The following CNTNAP2 variants were observed in gnomAD, a reference collection of about 807,000 sequenced individuals.
CNTNAP2 encodes the protein contactin-associated protein-like 2.
Under a neutral mutation model 155.2 loss-of-function variants are expected in CNTNAP2, and 98 were observed. The ratio of observed to expected loss-of-function variants is 0.63; its 90% CI spans 0.54 to 0.75. The LOEUF (loss-of-function observed/expected upper bound fraction) is 0.75, where lower values mean the gene tolerates loss of function less well. Among genes scored for constraint, CNTNAP2 ranks in the 30% least tolerant of loss-of-function variants. The probability of loss-of-function intolerance (pLI) is 0.00; values close to 1 mark genes in which losing one functional copy is unlikely to be tolerated. For missense variants in CNTNAP2, 1,727 were observed against 1,688.1 expected, an observed-to-expected ratio of 1.02 and a Z score of -0.40; for synonymous variants, 651 against 631.2, an observed-to-expected ratio of 1.03 and a Z score of -0.47.
intron 11 of CNTNAP2, among the ~76,000 whole-genome samples, chr7:147,508,587 A>G (rs1303551232): frequency 1.3e-5 from 2 of 152,146 alleles, no homozygotes; most frequent in Non-Finnish European, 2.9e-5. Flanking sequence ...TTAAATCCGG[A>G]TATTCTTTGG....
chr7:147,737,065 G>T (rs1410978143), intron 13 of CNTNAP2, among the ~76,000 whole-genome samples: 1 of 152,154 alleles, frequency 6.6e-6, no homozygotes, highest in Non-Finnish European at 1.5e-5. Flanking sequence ...TTGCTGGTGA[G>T]GAGCTGCATT....
At chr7:147,313,822 G>T (rs1214433674) in intron 9 of CNTNAP2, among the ~76,000 whole-genome samples, 5 of 151,652 alleles carry the variant, frequency 3.3e-5, no homozygotes, top group Non-Finnish European at 7.4e-5. Context: ...AGCTTGATGG[G>T]GATGGCATTG....
At chr7:147,037,001 CT>C (rs1799162664) in intron 3 of CNTNAP2, among the ~76,000 whole-genome samples, 1 of 152,082 alleles carries the variant, frequency 6.6e-6, no homozygotes, top group Non-Finnish European at 1.5e-5. Flanking sequence ...ACAAATTCTT[CT>C]TTCCTTTTAG....
At chr7:146,563,916 T>G (rs1445244606) in intron 1 of CNTNAP2, among the ~76,000 whole-genome samples, 3 of 152,162 alleles carry the variant, frequency 2.0e-5, no homozygotes, top group South Asian at 2.1e-4. Context: ...ATGGAGATAC[T>G]ACCTGGTGAT....
In CNTNAP2 at chr7:146,839,740, G is replaced by C. The variant is rs370057104; in HGVS notation, c.238G>C (p.Asp80His). 6.2e-7 allele frequency: 1 copy of C among 1,614,100 alleles called. No individual in the cohort carries two copies. Among genetic ancestry groups the C allele is most frequent in the East Asian group, 2.2e-5 (1 of 44,866 alleles). Residue 80 changes from aspartate (D) to histidine (H), a missense_variant, in exon 3 of 24, where the codon GAC (aspartate) becomes CAC (histidine). Asp to His is a moderately conservative substitution (Grantham distance 81). Coordinates refer to ENST00000361727, the MANE Select transcript of CNTNAP2 (RefSeq NM_014141.6). ...TGGGGGATGGTCTCCATCAGACAGC[G>C]ACCATTATCAATGGCTTCAGGTTGA... is the stretch of plus-strand genomic sequence containing the variant. ...GAGGWSPSDS[D>H]HYQWLQVDFG...
chr7:147,747,318 ATCTT>A (rs1166667059), intron 13 of CNTNAP2, among the ~76,000 whole-genome samples: 4 of 151,906 alleles, frequency 2.6e-5, no homozygotes, highest in South Asian at 2.1e-4. Flanking sequence ...GCATCTCTTC[ATCTT>A]TCTTCTTTCT....
rs191447071 is a variant in CNTNAP2 at position 147,504,243 on chromosome 7, G to A, written c.1777+18202G>A. Among the ~76,000 whole-genome samples, 254 of 152,242 alleles carry A rather than the reference G, an allele frequency of 1.7e-3. 1 individual carries two copies. The highest frequency in any genetic ancestry group is 5.8e-3 in the African/African-American group (240 of 41,542). On this transcript the variant is annotated intron_variant, in intron 11 of 23. Coordinates refer to ENST00000361727, the MANE Select transcript of CNTNAP2 (RefSeq NM_014141.6). ...GAGTCCCCAGTGCATCAGCCTGAGA[G>A]CAGCTGCTGTGGGAGTAAGTTCAGG... is the stretch of plus-strand genomic sequence containing the variant.
At chr7:146,434,095 C>T (rs553122334) in intron 1 of CNTNAP2, among the ~76,000 whole-genome samples, 8 of 152,226 alleles carry the variant, frequency 5.3e-5, no homozygotes, top group Admixed American at 1.3e-4. Context: ...GCCAAACAGA[C>T]TGAATTTCAC....
chr7:146,645,286 A>C (rs1799791987), intron 1 of CNTNAP2, among the ~76,000 whole-genome samples: 6 of 152,186 alleles, frequency 3.9e-5, no homozygotes. Context: ...AAAGAGGCAC[A>C]GAGTTATAAC....
intron 1 of CNTNAP2, among the ~76,000 whole-genome samples, chr7:146,155,433 A>C (rs908118140): frequency 6.6e-6 from 1 of 152,098 alleles, no homozygotes; most frequent in African/African-American, 2.4e-5. Context: ...TTGGCCTCTC[A>C]TACAATTTTA....
At chr7:147,672,911 C>T (rs1218890051) in intron 13 of CNTNAP2, 3 of 152,072 alleles carry the variant, frequency 2.0e-5, no homozygotes, top group African/African-American at 7.3e-5. Context: ...TACCCAAAGC[C>T]AAGTTTGATC....
chr7:146,485,324 A>G (rs1173057109), intron 1 of CNTNAP2, among the ~76,000 whole-genome samples: 1 of 152,214 alleles, frequency 6.6e-6, no homozygotes. Context: ...TGTAAGATGC[A>G]TTAGTCACCT....
At chr7:146,990,955 A>G (rs1255169869) in intron 3 of CNTNAP2, among the ~76,000 whole-genome samples, 1 of 152,082 alleles carries the variant, frequency 6.6e-6, no homozygotes, top group Non-Finnish European at 1.5e-5. Flanking sequence ...AGAAAGCCCT[A>G]AGAATTAGTT....
intron 1 of CNTNAP2, among the ~76,000 whole-genome samples, chr7:146,273,838 G>A (rs1030073585): frequency 6.6e-6 from 1 of 152,036 alleles, no homozygotes; most frequent in Non-Finnish European, 1.5e-5. Flanking sequence ...AAAACAAGGC[G>A]ATGACCCTGT....
At chr7:147,342,228 A>G (rs1563167495) in intron 9 of CNTNAP2, among the ~76,000 whole-genome samples, 1 of 152,216 alleles carries the variant, frequency 6.6e-6, no homozygotes, top group Non-Finnish European at 1.5e-5. Context: ...AATTCAGTTC[A>G]TAGCAGGAGC....
intron 1 of CNTNAP2, among the ~76,000 whole-genome samples, chr7:146,251,950 C>G (rs184323655): frequency 6.6e-6 from 1 of 152,252 alleles, no homozygotes; most frequent in Admixed American, 6.5e-5. Context: ...TTCTCAAAGG[C>G]TTAGAGCAAG....
chr7:147,328,850 C>T (rs1380727739), intron 9 of CNTNAP2, among the ~76,000 whole-genome samples: 11 of 152,100 alleles, frequency 7.2e-5, no homozygotes, highest in Middle Eastern at 3.4e-3. Flanking sequence ...TGGAGAGACA[C>T]AGTAACTTTA....
intron 13 of CNTNAP2, among the ~76,000 whole-genome samples, chr7:147,713,757 G>T (rs900337518): frequency 6.6e-6 from 1 of 152,116 alleles, no homozygotes; most frequent in African/African-American, 2.4e-5. Flanking sequence ...TTTTAGACCA[G>T]CAATGAATGA....
intron 14 of CNTNAP2, among the ~76,000 whole-genome samples, chr7:147,906,216 G>T (rs899248358): frequency 6.6e-6 from 1 of 151,838 alleles, no homozygotes; most frequent in African/African-American, 2.4e-5. Context: ...TTTTGAGATG[G>T]GGTCTCACTC....
Sources: allele counts gnomAD v4.1 joint callset (sites outside exome capture counted in the v4.1 genomes callset), GRCh38; gene constraint gnomAD v4.1.1; transcripts MANE v1.5; gene names NCBI Gene and HGNC (gene_info 2026-07-23, HGNC 2026-07-21).